The following SYNPR variants were observed in gnomAD, a reference collection of about 807,000 sequenced individuals.
SYNPR encodes the protein synaptoporin.
SYNPR carries 23 observed loss-of-function variants against 32.9 expected under a neutral mutation model. That is an observed-to-expected ratio of 0.70 (90% confidence interval 0.50 to 0.99). The LOEUF (loss-of-function observed/expected upper bound fraction) is 0.99, where lower values mean the gene tolerates loss of function less well. SYNPR is among the 50% of genes least tolerant of loss of function. The probability of loss-of-function intolerance (pLI) is 0.00; values close to 1 mark genes in which losing one functional copy is unlikely to be tolerated. For missense variants in SYNPR, 318 were observed against 349.3 expected (o/e 0.91, Z 0.71); for synonymous variants, 146 against 135.9 (o/e 1.07, Z -0.52).
intron 5 of SYNPR, among the ~76,000 whole-genome samples, chr3:63,613,778 C>T (rs1700238414): frequency 6.6e-6 from 1 of 152,004 alleles, no homozygotes; most frequent in African/African-American, 2.4e-5. Flanking sequence ...AACTACCTTC[C>T]AAGAAAGGAA....
intron 4 of SYNPR, among the ~76,000 whole-genome samples, chr3:63,604,184 G>A (rs1359375430): frequency 6.6e-6 from 1 of 152,140 alleles, no homozygotes; most frequent in African/African-American, 2.4e-5. Context: ...TGTGGAGTCA[G>A]TGGTAATATC....
chr3:63,321,559 G>A (rs561480598), intron 2 of SYNPR, among the ~76,000 whole-genome samples: 2 of 152,074 alleles, frequency 1.3e-5, no homozygotes, highest in Non-Finnish European at 2.9e-5. Flanking sequence ...AATATCCCCT[G>A]TAAATTGGCC....
chr3:63,297,423 G>A (rs1352548485), intron 2 of SYNPR, among the ~76,000 whole-genome samples: 3 of 151,956 alleles, frequency 2.0e-5, no homozygotes, highest in Non-Finnish European at 4.4e-5. Flanking sequence ...TTTTTTATTT[G>A]TCTCTGATAG....
intron 2 of SYNPR, among the ~76,000 whole-genome samples, chr3:63,371,883 C>A (rs1339581705): frequency 6.6e-6 from 1 of 152,192 alleles, no homozygotes; most frequent in Non-Finnish European, 1.5e-5. Context: ...CCTAACCACC[C>A]TCAGGATGGG....
intron 3 of SYNPR, among the ~76,000 whole-genome samples, chr3:63,507,831 A>T (rs1426601559): frequency 6.6e-6 from 1 of 152,090 alleles, no homozygotes; most frequent in Non-Finnish European, 1.5e-5. Flanking sequence ...AAGAAAAAAA[A>T]TGATGGGATT....
At chr3:63,431,501 A>G (rs905437257) in intron 2 of SYNPR, among the ~76,000 whole-genome samples, 3 of 152,210 alleles carry the variant, frequency 2.0e-5, no homozygotes, top group African/African-American at 7.2e-5. Context: ...ACTATGACAC[A>G]GGATGAAATG....
Position 63,278,503 on chromosome 3 carries a change from G to C in SYNPR, c.-31G>C, listed in dbSNP as rs2086597140. 1.3e-6 allele frequency: 2 copies of C among 1,545,726 alleles called. No homozygotes were observed. The highest frequency in any genetic ancestry group is 2.5e-5 in the East Asian group (1 of 40,754). On this transcript the variant is annotated 5_prime_UTR_variant, in exon 1 of 6. Coordinates refer to ENST00000478300, the MANE Select transcript of SYNPR (RefSeq NM_001130003.2). ...GCGAACTTCATTTTTAAAAAGAACT[G>C]GTGGATGAGAAGAGCGAGCGAGGGC...
At chr3:63,462,017 C>T (rs938515305) in intron 2 of SYNPR, among the ~76,000 whole-genome samples, 7 of 152,048 alleles carry the variant, frequency 4.6e-5, no homozygotes, top group African/African-American at 1.7e-4. Context: ...AAGACCCATC[C>T]CGTCTTGCCT....
At chr3:63,306,867 C>CT (rs963764812) in intron 2 of SYNPR, among the ~76,000 whole-genome samples, 2 of 151,698 alleles carry the variant, frequency 1.3e-5, no homozygotes, top group Non-Finnish European at 2.9e-5. Flanking sequence ...TGGGCTTTGC[C>CT]TTTTTTTTCA....
intron 4 of SYNPR, among the ~76,000 whole-genome samples, chr3:63,571,867 T>C (rs1702893516): frequency 6.6e-6 from 1 of 152,166 alleles, no homozygotes; most frequent in Non-Finnish European, 1.5e-5. Flanking sequence ...AATGCCACCC[T>C]TTCAGTTTCC....
intron 2 of SYNPR, among the ~76,000 whole-genome samples, chr3:63,346,843 T>C (rs1263118454): frequency 6.6e-6 from 1 of 152,216 alleles, no homozygotes; most frequent in African/African-American, 2.4e-5. Context: ...TTAATTGAGG[T>C]TATTTCAGAA....
At chr3:63,612,962 T>G (rs1470450355) in intron 5 of SYNPR, among the ~76,000 whole-genome samples, 1 of 146,624 alleles carries the variant, frequency 6.8e-6, no homozygotes, top group Admixed American at 6.8e-5. Context: ...TTTCCTTTCC[T>G]TTTGTTTCCT....
At chr3:63,614,220 C>T (rs1029552760) in intron 5 of SYNPR, among the ~76,000 whole-genome samples, 12 of 152,202 alleles carry the variant, frequency 7.9e-5, no homozygotes, top group African/African-American at 2.9e-4. Flanking sequence ...CACAGCTTTG[C>T]GTTATACTAC....
chr3:63,471,593 C>A (rs928918337), intron 2 of SYNPR, among the ~76,000 whole-genome samples: 1 of 152,186 alleles, frequency 6.6e-6, no homozygotes, highest in Non-Finnish European at 1.5e-5. Flanking sequence ...CTACTGGGGG[C>A]CTCCTGTATA....
intron 2 of SYNPR, among the ~76,000 whole-genome samples, chr3:63,401,208 G>T (rs9865933): frequency 0.018 from 2,778 of 152,216 alleles, 84 homozygotes; most frequent in African/African-American, 0.063. Flanking sequence ...GATTGGTGGC[G>T]CAGGGGTGGG....
rs565532580 is a variant in SYNPR, at chr3:63,499,365, T to C, written c.209+18409T>C. On this transcript the variant is annotated intron_variant, in intron 3 of 5. Coordinates refer to ENST00000478300, the MANE Select transcript of SYNPR (RefSeq NM_001130003.2). ...GATATTTATTAGATGCAATAGTTTT[T>C]TTCTTAATAAATGAGGAAATGACCT... Among the ~76,000 whole-genome samples the C allele has an allele frequency of 2.4e-4, 36 of 152,268 alleles. 1 individual carries two copies. The South Asian group carries it at 7.3e-3, about 31-fold the overall frequency.
chr3:63,204,812 T>C, the SYNPR span, among the ~76,000 whole-genome samples: 1 of 152,050 alleles, frequency 6.6e-6, no homozygotes, highest in African/African-American at 2.4e-5. Flanking sequence ...CTCAGCCTCC[T>C]GAGTAGCTGG....
intron 3 of SYNPR, among the ~76,000 whole-genome samples, chr3:63,545,962 T>C (rs528606338): frequency 2.6e-5 from 4 of 152,222 alleles, no homozygotes; most frequent in South Asian, 2.1e-4. Flanking sequence ...CCGAATAAAA[T>C]AGATGAATAA....
In SYNPR at chr3:63,468,491, G is replaced by GCACACACACACACACACACACACA. The variant is rs10663212; in HGVS notation, c.85-12340_85-12317dup. On this transcript the variant is annotated intron_variant, in intron 2 of 5. Transcript: ENST00000478300. ...GGATTCTATTTAATATACCTGCAAAGCACACACACACACACACACACACAA... is the reference window on the plus strand; with the variant it reads ...GGATTCTATTTAATATACCTGCAAAGCACACACACACACACACACACACACACACACACACACACACACACACAA... Among the ~76,000 whole-genome samples, 760 of 148,618 alleles carry GCACACACACACACACACACACACA rather than the reference G, an allele frequency of 5.1e-3. 12 individuals are homozygous for GCACACACACACACACACACACACA. The highest frequency in any genetic ancestry group is 0.018 in the African/African-American group (705 of 40,090).
Sources: gnomAD v4.1 joint callset for allele counts (sites outside exome capture counted in the v4.1 genomes callset) on GRCh38, gnomAD v4.1.1 for gene constraint, MANE v1.5 for transcripts, NCBI Gene and HGNC (gene_info 2026-07-23, HGNC 2026-07-21) for gene names.